Variants in MRPL42 observed in about 807,000 individuals in gnomAD.
The protein encoded by MRPL42 is mitochondrial ribosomal protein L42, also known as large ribosomal subunit protein mL42.
A neutral mutation model predicts 17.9 loss-of-function variants in MRPL42; 17 were observed. The observed-to-expected ratio is 0.95, with a 90% confidence interval of 0.65 to 1.42. The LOEUF (loss-of-function observed/expected upper bound fraction) is 1.42. Among genes scored for constraint, MRPL42 ranks in the 40% most tolerant of loss-of-function variants. MRPL42 has a pLI of 0.00. For synonymous variants in MRPL42, 59 were observed against 54.4 expected, an observed-to-expected ratio of 1.08 and a Z score of -0.37; for missense variants, 177 against 175.2, an observed-to-expected ratio of 1.01 and a Z score of -0.06.
chr12:93,490,414 G>T (rs1953389874), intron 5 of MRPL42, among the ~76,000 whole-genome samples: 1 of 152,128 alleles, frequency 6.6e-6, no homozygotes, highest in South Asian at 2.1e-4. Flanking sequence ...CTAATAAAGA[G>T]CTTGGCAGAG....
intron 4 of MRPL42, among the ~76,000 whole-genome samples, chr12:93,481,612 A>G (rs186335844): frequency 1.4e-4 from 21 of 152,170 alleles, no homozygotes; most frequent in Admixed American, 2.6e-4. Flanking sequence ...TTTTACTTCA[A>G]TATCCATGTA....
At chr12:93,490,674 GATTC>G (rs1162536302) in intron 5 of MRPL42, among the ~76,000 whole-genome samples, 1 of 151,992 alleles carries the variant, frequency 6.6e-6, no homozygotes, top group African/African-American at 2.4e-5. Context: ...TTCATCCATT[GATTC>G]ATTCATTCAT....
In MRPL42 at chr12:93,513,759, ATGTTT is replaced by A. The variant is rs1415243630; in HGVS notation, c.*12540_*12544del. ...AATTAAAAATTGGGGCTTTTAAAAA[ATGTTT>A]TTCATTCTACTAATTTCATTTTATA... On this transcript the variant is annotated 3_prime_UTR_variant, in exon 6 of 6. Coordinates refer to ENST00000549982, the MANE Select transcript of MRPL42 (RefSeq NM_014050.4). The A allele has an allele frequency of 1.3e-5, 2 of 152,182 alleles. No homozygotes were observed. The highest frequency in any genetic ancestry group is 4.8e-5 in the African/African-American group (2 of 41,448). 9.4% of individuals were successfully genotyped at this position (152,182 alleles called of 1,614,324 possible). A position where few individuals can be genotyped will look rare whatever the true frequency, so the allele number is the denominator to read the frequency against.
intron 5 of MRPL42, among the ~76,000 whole-genome samples, chr12:93,497,451 A>G (rs2121269779): frequency 6.6e-6 from 1 of 152,366 alleles, no homozygotes; most frequent in South Asian, 2.1e-4. Flanking sequence ...AATGTGATAC[A>G]TCATATAAAC....
chr12:93,496,643 T>TAAA (rs35375116), intron 5 of MRPL42, among the ~76,000 whole-genome samples: 3,479 of 70,510 alleles, frequency 0.049, 169 homozygotes, highest in South Asian at 0.076. Flanking sequence ...TCAGATTAGG[T>TAAA]AAAAAAAAAA....
chr12:93,499,427 C>T (rs993975366), intron 5 of MRPL42, among the ~76,000 whole-genome samples: 18 of 152,036 alleles, frequency 1.2e-4, no homozygotes, highest in Non-Finnish European at 1.8e-4. Context: ...GTTTTGAATC[C>T]ACTGCCCAGA....
In MRPL42 at chr12:93,511,471, A is replaced by G. The variant is rs527963675; in HGVS notation, c.*10250A>G. Reference sequence around the variant, plus strand: ...ATTGTCTTAATAATAATCAGCATCAAAGATTCTTAGAAATGTTGGGAGACT... The same window carrying G: ...ATTGTCTTAATAATAATCAGCATCAGAGATTCTTAGAAATGTTGGGAGACT... On this transcript the variant is annotated 3_prime_UTR_variant, in exon 6 of 6. Coordinates refer to ENST00000549982, the MANE Select transcript of MRPL42 (RefSeq NM_014050.4). 21 of 152,324 alleles carry G rather than the reference A, an allele frequency of 1.4e-4. No individual in the cohort carries two copies. The highest frequency in any genetic ancestry group is 5.1e-4 in the African/African-American group (21 of 41,584). The allele number at this position is 152,324 out of a possible 1,614,324, so 9.4% of individuals were successfully genotyped here.
chr12:93,489,570 G>A (rs1953373513), intron 5 of MRPL42, among the ~76,000 whole-genome samples: 1 of 151,720 alleles, frequency 6.6e-6, no homozygotes, highest in African/African-American at 2.4e-5. Flanking sequence ...GTCTTGCTCT[G>A]TCACCTAGGC....
chr12:93,496,800 A>G (rs1015848718), intron 5 of MRPL42, among the ~76,000 whole-genome samples: 6 of 40,848 alleles, frequency 1.5e-4, no homozygotes, highest in Non-Finnish European at 1.4e-4. Flanking sequence ...CTCAGAGACT[A>G]TTTTTTTTGG....
At chr12:93,488,777 G>T (rs1262359859) in intron 5 of MRPL42, among the ~76,000 whole-genome samples, 1 of 151,488 alleles carries the variant, frequency 6.6e-6, no homozygotes, top group Non-Finnish European at 1.5e-5. Flanking sequence ...TCCTCTTTTT[G>T]ATTTTTTTCT....
chr12:93,500,212 T>C (rs539945103), intron 5 of MRPL42, among the ~76,000 whole-genome samples: 1 of 152,358 alleles, frequency 6.6e-6, no homozygotes, highest in East Asian at 1.9e-4. Flanking sequence ...TCCTGTGTTC[T>C]TCCTTAATAT....
In MRPL42 at chr12:93,506,939, T is replaced by C. The variant is rs1953677198; in HGVS notation, c.*5718T>C. 1 of 152,218 alleles carries C rather than the reference T, an allele frequency of 6.6e-6. No individual in the cohort carries two copies. Among genetic ancestry groups the C allele is most frequent in the African/African-American group, 2.4e-5 (1 of 41,470 alleles). The allele number at this position is 152,218 out of a possible 1,614,324, so 9.4% of individuals were successfully genotyped here. A position where few individuals can be genotyped will look rare whatever the true frequency, so the allele number is the denominator to read the frequency against. On this transcript the variant is annotated 3_prime_UTR_variant, in exon 6 of 6. Transcript: ENST00000549982. ...AGAATCGTAAAGCTGAAAGACATCT[T>C]AAAGATGATTTTTGGGGACTGATTT...
intron 2 of MRPL42, among the ~76,000 whole-genome samples, chr12:93,474,415 A>G (rs1880063131): frequency 6.6e-6 from 1 of 151,812 alleles, no homozygotes; most frequent in Non-Finnish European, 1.5e-5. Context: ...CTGAGATTAC[A>G]GGAGTGAGCC....
chr12:93,469,330 C>G lies in MRPL42; in HGVS notation c.45C>G (p.Ile15Met), dbSNP rs761698989. Reference sequence around the variant, plus strand: ...AATGGGTGATGTCAAAGAGAACTATCTTGAAACATTTATTTCCAGTCCAAA... The same window carrying G: ...AATGGGTGATGTCAAAGAGAACTATGTTGAAACATTTATTTCCAGTCCAAA... ...AVKWVMSKRT[I>M]LKHLFPVQNG... The change falls in exon 2 of 6, where the codon ATC becomes ATG. Residue 15 changes from isoleucine to methionine, a missense_variant. Physicochemically the swap from Ile to Met is conservative, Grantham distance 10. Transcript: ENST00000549982. The G allele has an allele frequency of 6.2e-7, 1 of 1,610,598 alleles. No individual in the cohort carries two copies. Among genetic ancestry groups the G allele is most frequent in the South Asian group, 1.1e-5 (1 of 89,898 alleles).
At chr12:93,480,130 C>G (rs530075264) in intron 4 of MRPL42, among the ~76,000 whole-genome samples, 77 of 150,638 alleles carry the variant, frequency 5.1e-4, no homozygotes, top group Non-Finnish European at 1.1e-3. Context: ...GTTTGATTTG[C>G]TTTTTTTTTG....
intron 3 of MRPL42, among the ~76,000 whole-genome samples, chr12:93,478,079 C>T (rs1880267965): frequency 6.6e-6 from 1 of 151,982 alleles, no homozygotes; most frequent in Non-Finnish European, 1.5e-5. Context: ...GCCTCAGCCC[C>T]CCAAGTAGCT....
intron 4 of MRPL42, among the ~76,000 whole-genome samples, chr12:93,483,218 G>T (rs1233204681): frequency 6.6e-6 from 1 of 152,164 alleles, no homozygotes; most frequent in Non-Finnish European, 1.5e-5. Flanking sequence ...TTGTGACAAG[G>T]ATCTGGCTTG....
intron 3 of MRPL42, among the ~76,000 whole-genome samples, chr12:93,477,983 G>A (rs1036196096): frequency 1.3e-5 from 2 of 152,066 alleles, no homozygotes; most frequent in African/African-American, 4.8e-5. Flanking sequence ...GTGAGACAGA[G>A]ACTCACTTTG....
At chr12:93,483,739 CT>C (rs1023886837) in intron 4 of MRPL42, among the ~76,000 whole-genome samples, 1 of 151,984 alleles carries the variant, frequency 6.6e-6, no homozygotes, top group African/African-American at 2.4e-5. Context: ...AAATATTTTT[CT>C]TTCTTTAATA....
Sources: allele counts gnomAD v4.1 joint callset (sites outside exome capture counted in the v4.1 genomes callset), GRCh38; gene constraint gnomAD v4.1.1; transcripts MANE v1.5; gene names NCBI Gene and HGNC (gene_info 2026-07-23, HGNC 2026-07-21).